TENM1: variants seen among roughly 807,000 people sequenced by gnomAD.
TENM1 encodes the protein teneurin-1.
TENM1 carries 35 observed loss-of-function variants against 174.8 expected under a neutral mutation model. The ratio of observed to expected loss-of-function variants is 0.20; its 90% CI spans 0.15 to 0.27. TENM1 has a LOEUF of 0.27. TENM1 is among the 10% of genes least tolerant of loss of function. The pLI, the probability that TENM1 is intolerant of heterozygous loss-of-function variation, is 1.00. For synonymous variants in TENM1, 781 were observed against 798.7 expected (o/e 0.98, Z 0.37); for missense variants, 1,633 against 2,130.1 (o/e 0.77, Z 4.59).
At chrX:124,681,316 A>T (rs2052228595) in intron 5 of TENM1, among the ~76,000 whole-genome samples, 1 of 111,857 alleles carries the variant, frequency 8.9e-6, no homozygotes, top group South Asian at 3.7e-4. Context: ...GCCTTATAAG[A>T]TGTGAACAGA....
At chrX:125,037,351 T>C in the TENM1 span, among the ~76,000 whole-genome samples, 103 of 110,442 alleles carry the variant, frequency 9.3e-4, 1 homozygote, top group Non-Finnish European at 1.8e-3. Context: ...GGTAGTAAGA[T>C]GCAAAACATA....
chrX:124,500,501 T>C (rs950442822), intron 19 of TENM1, among the ~76,000 whole-genome samples: 1 of 111,775 alleles, frequency 8.9e-6, no homozygotes, highest in African/African-American at 3.2e-5. Context: ...CTGCCACACA[T>C]GCTCATTTTG....
At chrX:124,761,441 G>C (rs1313223390) in intron 3 of TENM1, among the ~76,000 whole-genome samples, 1 of 106,499 alleles carries the variant, frequency 9.4e-6, no homozygotes, top group Non-Finnish European at 1.9e-5. Context: ...ACTATCTCAA[G>C]GGCAGAAAAT....
chrX:124,899,046 C>T (rs1227158437), intron 1 of TENM1, among the ~76,000 whole-genome samples: 1 of 110,197 alleles, frequency 9.1e-6, no homozygotes, highest in Non-Finnish European at 1.9e-5. Context: ...TATTGAAATG[C>T]CTCATTTCCT....
At chrX:125,067,155 C>G in the TENM1 span, among the ~76,000 whole-genome samples, 1 of 110,940 alleles carries the variant, frequency 9.0e-6, no homozygotes, top group Non-Finnish European at 1.9e-5. Context: ...CACTTCTCAC[C>G]ATAAGAGAAC....
chrX:125,021,025 T>A, the TENM1 span, among the ~76,000 whole-genome samples: 2 of 108,239 alleles, frequency 1.8e-5, no homozygotes, highest in East Asian at 5.7e-4. Flanking sequence ...GCTTTATAAT[T>A]GTAAATAAAT....
chrX:125,163,072 C>T, the TENM1 span, among the ~76,000 whole-genome samples: 548 of 111,613 alleles, frequency 4.9e-3, 2 homozygotes, highest in Non-Finnish European at 7.2e-3. Flanking sequence ...TTAACTTTCT[C>T]CTGGGCTGTG....
intron 1 of TENM1, among the ~76,000 whole-genome samples, chrX:124,962,878 T>A (rs1356487371): frequency 8.9e-6 from 1 of 112,031 alleles, no homozygotes; most frequent in Admixed American, 9.5e-5. Flanking sequence ...CTTGTGCCAA[T>A]GTCAGTATCT....
At chrX:124,785,592 AG>A (rs2055017637) in intron 3 of TENM1, among the ~76,000 whole-genome samples, 1 of 112,312 alleles carries the variant, frequency 8.9e-6, no homozygotes, top group Non-Finnish European at 1.9e-5. Flanking sequence ...CTTGCTTTGA[AG>A]TTATATTTTA....
At chrX:125,188,266 G>A in the TENM1 span, among the ~76,000 whole-genome samples, 1 of 108,541 alleles carries the variant, frequency 9.2e-6, no homozygotes, top group African/African-American at 3.6e-5. Flanking sequence ...CTGGAAGGTT[G>A]AGGCTGCAGT....
intron 1 of TENM1, among the ~76,000 whole-genome samples, chrX:124,915,818 AAG>A (rs773751788): frequency 8.9e-6 from 1 of 112,183 alleles, no homozygotes; most frequent in Non-Finnish European, 1.9e-5. Flanking sequence ...AGATGGAAAA[AAG>A]GGAGAAAATA....
chrX:124,471,469 A>ATATATAGCAT (rs1556644597), intron 22 of TENM1, among the ~76,000 whole-genome samples: 357 of 21,704 alleles, frequency 0.016, 28 homozygotes, highest in African/African-American at 0.047. Flanking sequence ...ACTATATATA[A>ATATATAGCAT]TATATAATAT....
intron 25 of TENM1, 98 bp downstream of exon 28, chrX:124,420,213 C>G: frequency 3.2e-6 from 3 of 933,749 alleles, no homozygotes; most frequent in Non-Finnish European, 4.4e-6. Context: ...TAGGAGAAAA[C>G]AGCATGCAAC....
the TENM1 span, among the ~76,000 whole-genome samples, chrX:125,027,289 G>GA: frequency 1.9e-5 from 2 of 107,904 alleles, no homozygotes; most frequent in Non-Finnish European, 1.9e-5. Flanking sequence ...AATTCAATAA[G>GA]AAAAAAAAAG....
At chrX:124,553,080 G>T (rs1028378664) in intron 14 of TENM1, among the ~76,000 whole-genome samples, 1 of 111,453 alleles carries the variant, frequency 9.0e-6, no homozygotes, top group African/African-American at 3.3e-5. Flanking sequence ...CATCATGAAA[G>T]ATGGGGTATC....
In TENM1 at chrX:124,520,786, T is replaced by TAA; in HGVS notation, c.3034-3_3034-2insTT. The stretch of plus-strand genomic sequence containing the variant: ...AATGGGAATTTCCTCCTGTACAACC[T>TAA]GAAATAAAAAAAAAAAAAAAAAGCC... On this transcript the variant is annotated splice_polypyrimidine_tract_variant and splice_region_variant and intron_variant, in intron 17 of 31. Coordinates refer to ENST00000422452, the Ensembl canonical transcript of TENM1. 1 of 1,084,095 alleles carries TAA rather than the reference T, an allele frequency of 9.2e-7. No homozygotes were observed. Among genetic ancestry groups the TAA allele is most frequent in the Admixed American group, 3.3e-5 (1 of 30,635 alleles). The allele number at this position is 1,084,095 out of a possible 1,213,427, so 89.3% of individuals were successfully genotyped here.
intron 1 of TENM1, among the ~76,000 whole-genome samples, chrX:124,930,069 T>C (rs1344677906): frequency 9.1e-6 from 1 of 109,647 alleles, no homozygotes; most frequent in Non-Finnish European, 1.9e-5. Flanking sequence ...TCTGCCGTAC[T>C]CTCCAAGTCT....
intron 1 of TENM1, among the ~76,000 whole-genome samples, chrX:124,950,636 A>C (rs1331350443): frequency 8.9e-6 from 1 of 111,952 alleles, no homozygotes. Flanking sequence ...TAGGCAGTAA[A>C]AAATCAACAC....
At chrX:124,716,324 C>A (rs2053181137) in intron 4 of TENM1, among the ~76,000 whole-genome samples, 2 of 111,920 alleles carry the variant, frequency 1.8e-5, no homozygotes, top group South Asian at 7.5e-4. Flanking sequence ...TTCCCAACCA[C>A]CATTTTTGTT....
Sources: allele counts gnomAD v4.1 joint callset (sites outside exome capture counted in the v4.1 genomes callset), GRCh38; gene constraint gnomAD v4.1.1; transcripts MANE v1.5; gene names NCBI Gene and HGNC (gene_info 2026-07-23, HGNC 2026-07-21).